The following EDIL3 variants were observed in gnomAD, a reference collection of about 807,000 sequenced individuals.
EDIL3 encodes the protein EGF like and discoidin domains 3, also known as EGF-like repeat and discoidin I-like domain-containing protein 3.
In EDIL3, 37 loss-of-function variants were observed where a neutral mutation model predicts 67.4. That is an observed-to-expected ratio of 0.55 (90% CI 0.42 to 0.72). EDIL3 has a LOEUF of 0.72. Among genes scored for constraint, EDIL3 ranks in the 30% least tolerant of loss-of-function variants. EDIL3 has a pLI of 0.00. For synonymous variants in EDIL3, 195 were observed against 196.3 expected (o/e 0.99, Z 0.05); for missense variants, 527 against 586.3 (o/e 0.90, Z 1.04).
chr5:84,344,945 T>C (rs1362972448), intron 1 of EDIL3, among the ~76,000 whole-genome samples: 1 of 152,156 alleles, frequency 6.6e-6, no homozygotes, highest in Non-Finnish European at 1.5e-5. Flanking sequence ...AGATCACTTA[T>C]ACCAAAGCAA....
intron 1 of EDIL3, among the ~76,000 whole-genome samples, chr5:84,286,969 CCT>C (rs1745818905): frequency 6.6e-6 from 1 of 152,128 alleles, no homozygotes; most frequent in African/African-American, 2.4e-5. Context: ...TAGGTAAAAA[CCT>C]CTTTCATGGT....
intron 6 of EDIL3, among the ~76,000 whole-genome samples, chr5:84,069,941 GAGAGGAGC>G (rs373258940): frequency 1.3e-5 from 2 of 152,074 alleles, no homozygotes; most frequent in African/African-American, 4.8e-5. Flanking sequence ...GCTGGATGTG[GAGAGGAGC>G]AGAGGAGCAG....
intron 4 of EDIL3, among the ~76,000 whole-genome samples, chr5:84,157,317 A>C (rs1296680607): frequency 1.3e-5 from 2 of 152,082 alleles, no homozygotes; most frequent in Non-Finnish European, 2.9e-5. Context: ...CCCTGAACTT[A>C]AAATTAAAAA....
intron 10 of EDIL3, among the ~76,000 whole-genome samples, 159 bp from the exon 11 acceptor site, chr5:83,943,727 T>C (rs1045124560): frequency 6.6e-6 from 1 of 152,104 alleles, no homozygotes; most frequent in Non-Finnish European, 1.5e-5. Context: ...ATAATAATTA[T>C]TTTAAATTAA....
At chr5:84,172,117 C>G (rs1186669932) in intron 4 of EDIL3, among the ~76,000 whole-genome samples, 1 of 152,092 alleles carries the variant, frequency 6.6e-6, no homozygotes, top group South Asian at 2.1e-4. Context: ...TCACACTGAC[C>G]GGCAAAGCCA....
chr5:84,085,616 C>G (rs960901496), intron 6 of EDIL3, among the ~76,000 whole-genome samples: 5 of 152,174 alleles, frequency 3.3e-5, no homozygotes, highest in African/African-American at 9.6e-5. Context: ...GTCTGTCGAC[C>G]CCTGTTGGGA....
At chr5:84,219,801 G>A (rs768310344) in intron 3 of EDIL3, among the ~76,000 whole-genome samples, 6 of 152,124 alleles carry the variant, frequency 3.9e-5, no homozygotes, top group Non-Finnish European at 8.8e-5. Context: ...ATGAGATCCT[G>A]TCATTTGCAA....
intron 9 of EDIL3, among the ~76,000 whole-genome samples, chr5:84,041,159 C>T (rs986493241): frequency 6.6e-6 from 1 of 151,204 alleles, no homozygotes; most frequent in Non-Finnish European, 1.5e-5. Flanking sequence ...ACAAAACAAA[C>T]CAAGAGGTTG....
At chr5:84,369,833 A>T (rs1200577231) in intron 1 of EDIL3, among the ~76,000 whole-genome samples, 3 of 152,186 alleles carry the variant, frequency 2.0e-5, no homozygotes, top group Admixed American at 6.5e-5. Context: ...TTATGGTTAA[A>T]CATATACTTA....
At position 83,976,604 on chromosome 5, in the gene EDIL3, A is replaced by G. The variant is rs548491333; in HGVS notation, c.1138-13244T>C. Among the ~76,000 whole-genome samples the G allele has an allele frequency of 2.0e-5, 3 of 151,872 alleles. No individual in the cohort carries two copies. In the East Asian group the frequency reaches 5.8e-4, roughly 29 times the overall value. On this transcript the variant is annotated intron_variant, in intron 9 of 10. Coordinates refer to ENST00000296591, the MANE Select transcript of EDIL3 (RefSeq NM_005711.5). ...TTATATCTCTTTTCATATTAAGATA[A>G]TCATGCAGGTTTCTTTTTTAATTAA...
intron 6 of EDIL3, among the ~76,000 whole-genome samples, chr5:84,097,075 C>T (rs539478752): frequency 2.3e-4 from 35 of 152,234 alleles, no homozygotes; most frequent in Admixed American, 1.9e-3. Flanking sequence ...TGCCCAGCCT[C>T]GGGTATGTCT....
intron 3 of EDIL3, among the ~76,000 whole-genome samples, chr5:84,209,437 G>A (rs1744068516): frequency 6.6e-6 from 1 of 151,916 alleles, no homozygotes; most frequent in Admixed American, 6.6e-5. Context: ...TAAAGATATT[G>A]CTTGATAACT....
intron 9 of EDIL3, among the ~76,000 whole-genome samples, chr5:84,037,988 G>GTTTTTTTTTTTTTTCTTTTTTTTTT (rs1746050748): frequency 1.0e-5 from 1 of 99,748 alleles, no homozygotes; most frequent in African/African-American, 4.5e-5. Context: ...TTTCTTTCTT[G>GTTTTTTTTTTTTTTCTTTTTTTTTT]TTTTTTTTTT....
chr5:84,165,628 T>A (rs1275216469), intron 4 of EDIL3, among the ~76,000 whole-genome samples: 1 of 152,128 alleles, frequency 6.6e-6, no homozygotes. Flanking sequence ...AAAAACAGTG[T>A]GCTCACTGTA....
intron 3 of EDIL3, among the ~76,000 whole-genome samples, chr5:84,218,498 A>G (rs1744277133): frequency 6.6e-6 from 1 of 152,234 alleles, no homozygotes; most frequent in South Asian, 2.1e-4. Flanking sequence ...CCTCCCTGCA[A>G]GAACACCAGA....
intron 4 of EDIL3, among the ~76,000 whole-genome samples, chr5:84,154,543 C>T (rs957028148): frequency 5.9e-5 from 9 of 151,442 alleles, no homozygotes; most frequent in African/African-American, 2.2e-4. Context: ...ACATTTAATG[C>T]TTCATATTTA....
At chr5:84,340,931 C>T (rs1465910825) in intron 1 of EDIL3, among the ~76,000 whole-genome samples, 1 of 151,828 alleles carries the variant, frequency 6.6e-6, no homozygotes, top group Admixed American at 6.6e-5. Flanking sequence ...CCAATCCAAA[C>T]TCCTCCCCTG....
intron 3 of EDIL3, among the ~76,000 whole-genome samples, chr5:84,223,407 G>C (rs999723231): frequency 6.6e-6 from 1 of 151,506 alleles, no homozygotes; most frequent in African/African-American, 2.4e-5. Flanking sequence ...TTAATTAATA[G>C]ATAAGAAACT....
At chr5:84,384,262 C>A in intron 1 of EDIL3, 46 bp downstream of exon 1, 3 of 1,597,748 alleles carry the variant, frequency 1.9e-6, no homozygotes, top group Non-Finnish European at 2.6e-6. Flanking sequence ...TCTCAGGGGA[C>A]TCCCAGCCCA....
Sources: allele counts gnomAD v4.1 joint callset (sites outside exome capture counted in the v4.1 genomes callset), GRCh38; gene constraint gnomAD v4.1.1; transcripts MANE v1.5; gene names NCBI Gene and HGNC (gene_info 2026-07-23, HGNC 2026-07-21).